TRIP4: variants seen among roughly 807,000 people sequenced by gnomAD.
TRIP4 encodes activating signal cointegrator 1.
In TRIP4, 54 loss-of-function variants were observed where a neutral mutation model predicts 81.8. The ratio of observed to expected loss-of-function variants is 0.66; its 90% CI spans 0.53 to 0.83. The LOEUF (loss-of-function observed/expected upper bound fraction) is 0.83. Ranked by LOEUF, TRIP4 falls within the 40% of genes least tolerant of loss-of-function variation. The probability of loss-of-function intolerance (pLI) is 0.00; values close to 1 mark genes in which losing one functional copy is unlikely to be tolerated. For synonymous variants in TRIP4, 270 were observed against 242.8 expected (o/e 1.11, Z -1.04); for missense variants, 662 against 683.6 (o/e 0.97, Z 0.35).
intron 5 of TRIP4, among the ~76,000 whole-genome samples, chr15:64,405,527 A>G (rs1026614401): frequency 1.5e-4 from 23 of 152,190 alleles, no homozygotes; most frequent in Admixed American, 1.1e-3. Flanking sequence ...TTTATCTGTA[A>G]AATAAAGATA....
At chr15:64,406,211 A>C in intron 5 of TRIP4, 119 bp from the exon 6 acceptor site, 1 of 1,246,912 alleles carries the variant, frequency 8.0e-7, no homozygotes, top group Non-Finnish European at 1.1e-6. Context: ...TGTTGAAATG[A>C]AGGCTCCAGG....
intron 4 of TRIP4, among the ~76,000 whole-genome samples, chr15:64,398,698 C>T (rs1900367869): frequency 6.6e-6 from 1 of 152,100 alleles, no homozygotes; most frequent in Non-Finnish European, 1.5e-5. Flanking sequence ...ATCCTCAGAT[C>T]ATTATAGCTT....
chr15:64,397,335 T>A (rs1181727530), intron 3 of TRIP4, among the ~76,000 whole-genome samples: 1 of 152,232 alleles, frequency 6.6e-6, no homozygotes, highest in Non-Finnish European at 1.5e-5. Flanking sequence ...ATAAACAGAT[T>A]TAACTGCTAC....
chr15:64,407,398 T>G lies in TRIP4; in HGVS notation c.827+939T>G, dbSNP rs149224652. 3.7e-3 allele frequency among the ~76,000 whole-genome samples: 564 copies of G among 152,306 alleles called. 7 individuals carry two copies. Among genetic ancestry groups the G allele is most frequent in the African/African-American group, 0.013 (535 of 41,572 alleles). ...AAATAGAAATGGAAGCCGGGCACGG[T>G]GGCTCACACCTGTAATCCCGGCACT... On this transcript the variant is annotated intron_variant, in intron 6 of 12. Coordinates refer to ENST00000261884, the MANE Select transcript of TRIP4 (RefSeq NM_016213.5).
In TRIP4 at chr15:64,395,419, C is replaced by T. The variant is rs1292210018; in HGVS notation, c.293C>T (p.Ser98Leu). Residue 98 changes from serine (S) to leucine (L), a missense_variant, in exon 3 of 13, where the codon TCA (serine) becomes TTA (leucine). Ser to Leu is a moderately radical substitution (Grantham distance 145). Transcript: ENST00000261884. ...KKDEILDGQK[S>L]GDHLKRGRKK... ...AAAGAAATTTTAGATGGGCAGAAAT[C>T]AGGCGACCATCTAAAGCGGGGTAGG... 1 of 1,609,146 alleles carries T rather than the reference C, an allele frequency of 6.2e-7. No individual in the cohort carries two copies. Among genetic ancestry groups the T allele is most frequent in the Non-Finnish European group, 8.5e-7 (1 of 1,178,338 alleles).
intron 11 of TRIP4, among the ~76,000 whole-genome samples, chr15:64,438,600 C>G (rs1259978101): frequency 6.6e-6 from 1 of 152,150 alleles, no homozygotes; most frequent in Non-Finnish European, 1.5e-5. Flanking sequence ...TAATTAAAAG[C>G]AACTTTCTTC....
intron 11 of TRIP4, among the ~76,000 whole-genome samples, chr15:64,430,792 A>G (rs989113858): frequency 6.6e-6 from 1 of 152,180 alleles, no homozygotes; most frequent in African/African-American, 2.4e-5. Flanking sequence ...CAGCTTTTAC[A>G]ATAGCCAAGA....
intron 8 of TRIP4, among the ~76,000 whole-genome samples, chr15:64,418,083 C>A (rs755834616): frequency 5.9e-5 from 9 of 152,106 alleles, no homozygotes; most frequent in Non-Finnish European, 1.3e-4. Flanking sequence ...GGCCTTATTG[C>A]AGACAAAGAT....
At chr15:64,424,357 A>G in intron 10 of TRIP4, 1 of 602,226 alleles carries the variant, frequency 1.7e-6, no homozygotes, top group South Asian at 3.5e-5. Flanking sequence ...AAAAATATCA[A>G]TTTCCAACAC....
At chr15:64,449,813 T>A (rs1483669302) in intron 12 of TRIP4, among the ~76,000 whole-genome samples, 2 of 152,214 alleles carry the variant, frequency 1.3e-5, no homozygotes, top group East Asian at 3.8e-4. Context: ...AGCAACATGC[T>A]CTATAAACTC....
At chr15:64,407,303 G>A (rs1891646015) in intron 6 of TRIP4, among the ~76,000 whole-genome samples, 1 of 152,100 alleles carries the variant, frequency 6.6e-6, no homozygotes, top group Non-Finnish European at 1.5e-5. Context: ...ATCACAAGGT[G>A]TATAACTCAT....
chr15:64,453,710 A>C (rs1462775979), intron 12 of TRIP4, among the ~76,000 whole-genome samples: 2 of 152,242 alleles, frequency 1.3e-5, no homozygotes, highest in Admixed American at 1.3e-4. Flanking sequence ...TTCTTCTAGA[A>C]GCAGGTGTAG....
intron 12 of TRIP4, among the ~76,000 whole-genome samples, chr15:64,451,664 AT>A (rs1221764414): frequency 8.2e-4 from 114 of 138,916 alleles, no homozygotes; most frequent in African/African-American, 1.3e-3. Context: ...ATTTTTATTA[AT>A]TTTTTTTTTT....
intron 8 of TRIP4, among the ~76,000 whole-genome samples, 154 bp downstream of exon 8, chr15:64,414,365 T>C (rs890931570): frequency 3.3e-5 from 5 of 152,166 alleles, no homozygotes; most frequent in African/African-American, 2.4e-5. Flanking sequence ...AACCTTATTC[T>C]CTGGCCCACA....
At chr15:64,389,889 A>G (rs1242120247) in intron 1 of TRIP4, among the ~76,000 whole-genome samples, 2 of 150,672 alleles carry the variant, frequency 1.3e-5, no homozygotes, top group Non-Finnish European at 3.0e-5. Flanking sequence ...CTTACTAGAG[A>G]TGGGGTTTCA....
intron 5 of TRIP4, 41 bp downstream of exon 5, chr15:64,400,862 T>A: frequency 6.7e-7 from 1 of 1,498,180 alleles, no homozygotes; most frequent in Non-Finnish European, 9.3e-7. Flanking sequence ...GGATGATGGG[T>A]ACCTTGTTGC....
chr15:64,394,143 G>T (rs745564084), intron 2 of TRIP4, 28 bp downstream of exon 2: 4 of 1,540,158 alleles, frequency 2.6e-6, no homozygotes, highest in Non-Finnish European at 3.5e-6. Context: ...TGCAAATGTT[G>T]AAATATTGGT....
At chr15:64,396,597 A>G (rs1389605414) in intron 3 of TRIP4, among the ~76,000 whole-genome samples, 1 of 152,066 alleles carries the variant, frequency 6.6e-6, no homozygotes, top group Non-Finnish European at 1.5e-5. Flanking sequence ...GCTTCTTTCA[A>G]TTTATGAGAT....
At chr15:64,393,654 T>G (rs1444661378) in intron 1 of TRIP4, 1 of 194,622 alleles carries the variant, frequency 5.1e-6, no homozygotes, top group Non-Finnish European at 1.0e-5. Context: ...TTTAAAAACG[T>G]ATTTATTGTA....
Sources: gnomAD v4.1 joint callset for allele counts (sites outside exome capture counted in the v4.1 genomes callset) on GRCh38, gnomAD v4.1.1 for gene constraint, MANE v1.5 for transcripts, NCBI Gene and HGNC (gene_info 2026-07-23, HGNC 2026-07-21) for gene names.